Variants in COL4A3 observed in about 807,000 individuals in gnomAD.
COL4A3 encodes collagen alpha-3(IV) chain.
COL4A3 carries 135 observed loss-of-function variants against 217.4 expected under a neutral mutation model. The ratio of observed to expected loss-of-function variants is 0.62; its 90% confidence interval spans 0.54 to 0.72. COL4A3 has a LOEUF of 0.72. COL4A3 is among the 30% of genes least tolerant of loss of function. The pLI, the probability that COL4A3 is intolerant of heterozygous loss-of-function variation, is 0.00. For synonymous variants in COL4A3, 690 were observed against 736.3 expected, an observed-to-expected ratio of 0.94 and a Z score of 1.02; for missense variants, 1,868 against 2,119.9, an observed-to-expected ratio of 0.88 and a Z score of 2.33.
rs1170235772 is a variant in COL4A3, at chr2:227,256,606, T to C, written c.987+210T>C. On this transcript the variant is annotated intron_variant, in intron 17 of 51. Transcript: ENST00000396578. ...TGAGGAAAAGGTATTAAACTTGTAC[T>C]GTGTACTTGAAGCTGTCTGACTTAG... 4 of 735,816 alleles carry C rather than the reference T, an allele frequency of 5.4e-6. No homozygotes were observed. In the East Asian group the frequency reaches 7.6e-5, roughly 14 times the overall value. The allele number at this position is 735,816 out of a possible 1,614,324, so 45.6% of individuals were successfully genotyped here. A position where few individuals can be genotyped will look rare whatever the true frequency, so the allele number is the denominator to read the frequency against.
intron 1 of COL4A3, among the ~76,000 whole-genome samples, chr2:227,212,741 G>T (rs2067375698): frequency 6.6e-6 from 1 of 152,158 alleles, no homozygotes; most frequent in Non-Finnish European, 1.5e-5. Flanking sequence ...CATTTTAGAA[G>T]GGTGCTTTAC....
intron 37 of COL4A3, among the ~76,000 whole-genome samples, chr2:227,291,644 A>G (rs1241458445): frequency 6.6e-6 from 1 of 151,818 alleles, no homozygotes; most frequent in Middle Eastern, 3.2e-3. Flanking sequence ...ACAAAATAAA[A>G]TAACTTTACA....
chr2:227,205,708 A>ATT (rs1429611680), intron 1 of COL4A3, among the ~76,000 whole-genome samples: 2 of 123,682 alleles, frequency 1.6e-5, no homozygotes, highest in East Asian at 4.2e-4. Flanking sequence ...AATTCAACAA[A>ATT]TATTTTTTTT....
chr2:227,261,786 A>G (rs916296431), intron 20 of COL4A3, among the ~76,000 whole-genome samples: 3 of 152,246 alleles, frequency 2.0e-5, no homozygotes, highest in East Asian at 1.9e-4. Context: ...GACAGTTTTC[A>G]TAACATATCA....
At chr2:227,212,242 C>T (rs1574583186) in intron 1 of COL4A3, among the ~76,000 whole-genome samples, 2 of 151,754 alleles carry the variant, frequency 1.3e-5, no homozygotes, top group African/African-American at 2.4e-5. Flanking sequence ...AGTTTGTGAC[C>T]TATGACATCT....
chr2:227,293,146 A>G (rs779127382), intron 37 of COL4A3, 45 bp from the exon 38 acceptor site: 1 of 1,612,592 alleles, frequency 6.2e-7, no homozygotes, highest in South Asian at 1.1e-5. Flanking sequence ...CTTACCACAT[A>G]TCCTGCTTAT....
chr2:227,224,239 C>T (rs918664510), intron 1 of COL4A3, among the ~76,000 whole-genome samples: 1 of 151,874 alleles, frequency 6.6e-6, no homozygotes, highest in African/African-American at 2.4e-5. Flanking sequence ...GAGAGTGTAG[C>T]TCTCCCACCA....
chr2:227,275,700 G>T (rs970073579), intron 26 of COL4A3, among the ~76,000 whole-genome samples: 3 of 151,924 alleles, frequency 2.0e-5, no homozygotes, highest in African/African-American at 7.3e-5. Flanking sequence ...TCTTTCCCCC[G>T]CGACAGATGA....
chr2:227,228,269 A>G (rs1002675765), intron 1 of COL4A3, among the ~76,000 whole-genome samples: 1 of 152,152 alleles, frequency 6.6e-6, no homozygotes, highest in Non-Finnish European at 1.5e-5. Context: ...ATTCTTCTTC[A>G]CTGGAGGGCA....
In COL4A3 at chr2:227,295,089, C is replaced by T. The variant is rs184595201; in HGVS notation, c.3517+27C>T. ...TACAACTTGCTCATTATCTTTGATC[C>T]GTTAGTTTTATTTTGGATAGAATCA... On this transcript the variant is annotated intron_variant, in intron 40 of 51. Transcript: ENST00000396578. The T allele has an allele frequency of 4.8e-5, 76 of 1,596,426 alleles. No homozygotes were observed. In the East Asian group the frequency reaches 9.2e-4, roughly 19 times the overall value.
chr2:227,193,868 TAAGGAGA>T (rs2066354234), intron 1 of COL4A3, among the ~76,000 whole-genome samples: 1 of 2,796 alleles, frequency 3.6e-4, no homozygotes. Flanking sequence ...AGAAGGGAAA[TAAGGAGA>T]GAGGGAGGGA....
At chr2:227,279,079 CT>C (rs34554554) in intron 28 of COL4A3, among the ~76,000 whole-genome samples, 337 of 143,764 alleles carry the variant, frequency 2.3e-3, no homozygotes, top group African/African-American at 3.9e-3. Context: ...CGTTCTATAT[CT>C]TTTTTTTTTT....
At chr2:227,222,866 G>C (rs1224516418) in intron 1 of COL4A3, among the ~76,000 whole-genome samples, 3 of 152,190 alleles carry the variant, frequency 2.0e-5, no homozygotes, top group African/African-American at 7.2e-5. Flanking sequence ...TGGGGATATA[G>C]GGGACACAGA....
intron 18 of COL4A3, among the ~76,000 whole-genome samples, chr2:227,258,848 G>A (rs1253160614): frequency 6.6e-6 from 1 of 152,134 alleles, no homozygotes; most frequent in Non-Finnish European, 1.5e-5. Context: ...CACTTGGTAG[G>A]TGCACGCATA....
intron 44 of COL4A3, 140 bp downstream of exon 44, chr2:227,303,250 C>T (rs1376621094): frequency 1.4e-6 from 1 of 705,936 alleles, no homozygotes; most frequent in African/African-American, 1.8e-5. Context: ...TAGGAAGGCT[C>T]CACTACACTA....
intron 21 of COL4A3, chr2:227,264,531 T>G (rs1402832787): frequency 6.3e-6 from 1 of 159,200 alleles, no homozygotes; most frequent in Non-Finnish European, 1.4e-5. Flanking sequence ...CCAATGGACT[T>G]GAAGTGGTGC....
At chr2:227,240,450 T>G (rs528484810) in intron 3 of COL4A3, among the ~76,000 whole-genome samples, 2 of 152,316 alleles carry the variant, frequency 1.3e-5, no homozygotes, top group Admixed American at 6.5e-5. Flanking sequence ...GTGGCTCCAG[T>G]TCATCTCCCT....
intron 1 of COL4A3, among the ~76,000 whole-genome samples, chr2:227,225,119 T>C (rs1193170144): frequency 1.3e-5 from 2 of 152,250 alleles, no homozygotes; most frequent in Non-Finnish European, 2.9e-5. Context: ...TTGCCCCGGC[T>C]GGTCTCCAAC....
At chr2:227,188,746 A>G (rs2066126138) in intron 1 of COL4A3, among the ~76,000 whole-genome samples, 1 of 152,182 alleles carries the variant, frequency 6.6e-6, no homozygotes. Context: ...TTGCCATATC[A>G]TTTCCTAATT....
Sources: gnomAD v4.1 joint callset for allele counts (sites outside exome capture counted in the v4.1 genomes callset) on GRCh38, gnomAD v4.1.1 for gene constraint, MANE v1.5 for transcripts, NCBI Gene and HGNC (gene_info 2026-07-23, HGNC 2026-07-21) for gene names.